Variants in ROBO2 observed in about 807,000 individuals in gnomAD.
ROBO2 encodes the protein roundabout guidance receptor 2, also known as roundabout homolog 2.
In ROBO2, 53 loss-of-function variants were observed where a neutral mutation model predicts 160.8. That is an observed-to-expected ratio of 0.33 (90% CI 0.26 to 0.41). The LOEUF is 0.41. ROBO2 is among the 10% of genes least tolerant of loss of function. The pLI, the probability that ROBO2 is intolerant of heterozygous loss-of-function variation, is 1.00. For synonymous variants in ROBO2, 664 were observed against 611.7 expected (o/e 1.09, Z -1.26); for missense variants, 1,577 against 1,722.4 (o/e 0.92, Z 1.49).
intron 2 of ROBO2, among the ~76,000 whole-genome samples, chr3:76,361,111 C>G (rs560870314): frequency 5.3e-5 from 8 of 151,896 alleles, no homozygotes; most frequent in Non-Finnish European, 1.0e-4. Flanking sequence ...TTTTCATAAG[C>G]GCTGCAAGTT....
chr3:77,065,410 T>C (rs1450879028), intron 1 of ROBO2, among the ~76,000 whole-genome samples: 1 of 152,190 alleles, frequency 6.6e-6, no homozygotes, highest in African/African-American at 2.4e-5. Flanking sequence ...GTGAAAAATA[T>C]CCTATTGTTT....
At chr3:76,949,412 A>G (rs887830242) in intron 2 of ROBO2, among the ~76,000 whole-genome samples, 2 of 152,188 alleles carry the variant, frequency 1.3e-5, no homozygotes, top group African/African-American at 4.8e-5. Context: ...CTGAAGCAGG[A>G]AAAGTAAATT....
At chr3:76,507,313 T>C (rs1262001953) in intron 2 of ROBO2, among the ~76,000 whole-genome samples, 1 of 152,018 alleles carries the variant, frequency 6.6e-6, no homozygotes, top group Non-Finnish European at 1.5e-5. Context: ...ATTTATGAAA[T>C]TTGATTAGGT....
intron 2 of ROBO2, among the ~76,000 whole-genome samples, chr3:76,187,683 A>G (rs1701828698): frequency 6.6e-6 from 1 of 152,118 alleles, no homozygotes; most frequent in Non-Finnish European, 1.5e-5. Flanking sequence ...ATTGATTTTA[A>G]TATTCCCCTC....
At chr3:77,435,401 C>A (rs1292088897) in intron 2 of ROBO2, among the ~76,000 whole-genome samples, 2 of 151,624 alleles carry the variant, frequency 1.3e-5, no homozygotes. Context: ...ACTTTTTAAG[C>A]CAAATAAGTA....
intron 2 of ROBO2, among the ~76,000 whole-genome samples, chr3:76,994,411 A>C (rs1004156939): frequency 6.6e-6 from 1 of 152,102 alleles, no homozygotes; most frequent in African/African-American, 2.4e-5. Flanking sequence ...GGAAAGTTGG[A>C]AACTGCTTTT....
intron 2 of ROBO2, among the ~76,000 whole-genome samples, chr3:77,139,791 GC>G (rs2076561008): frequency 6.6e-6 from 1 of 152,190 alleles, no homozygotes; most frequent in African/African-American, 2.4e-5. Context: ...AGCCGCAGTA[GC>G]AGCTGCCTCT....
chr3:76,756,776 A>T (rs530140374), intron 2 of ROBO2, among the ~76,000 whole-genome samples: 1 of 151,854 alleles, frequency 6.6e-6, no homozygotes, highest in Non-Finnish European at 1.5e-5. Flanking sequence ...ATTACGAGCA[A>T]ATCTGTCTAC....
At chr3:76,493,502 T>C (rs1560040346) in intron 2 of ROBO2, among the ~76,000 whole-genome samples, 1 of 151,838 alleles carries the variant, frequency 6.6e-6, no homozygotes, top group Non-Finnish European at 1.5e-5. Flanking sequence ...TTTGTCCATA[T>C]CCAATTTTTT....
Position 76,434,266 on chromosome 3 carries a change from A to C in ROBO2, c.109+496664A>C, listed in dbSNP as rs879231861. 7 of 1,002,076 alleles carry C rather than the reference A, an allele frequency of 7.0e-6. No homozygotes were observed. The East Asian group carries it at 1.4e-4, about 20-fold the overall frequency. 62.1% of individuals were successfully genotyped at this position (1,002,076 alleles called of 1,614,324 possible). On this transcript the variant is annotated intron_variant, in intron 2 of 26. Coordinates refer to the ROBO2 transcript ENST00000487694. ...TTGGAGCGAGCGCTGTTGGTTACAG[A>C]TTCTCAGTGTCAACAGCCAGCAGAT... is the stretch of plus-strand genomic sequence containing the variant.
intron 2 of ROBO2, among the ~76,000 whole-genome samples, chr3:76,184,628 G>GGC (rs1701660597): frequency 6.6e-6 from 1 of 152,046 alleles, no homozygotes; most frequent in Non-Finnish European, 1.5e-5. Context: ...TGGCTCATGA[G>GGC]TTCTGGAGGC....
At chr3:76,676,523 A>G (rs897918179) in intron 2 of ROBO2, among the ~76,000 whole-genome samples, 24 of 152,196 alleles carry the variant, frequency 1.6e-4, no homozygotes, top group African/African-American at 5.8e-4. Flanking sequence ...CAGGTAAGAT[A>G]GGATTGTGGG....
chr3:76,085,140 CAT>C (rs1553737480), intron 2 of ROBO2, among the ~76,000 whole-genome samples: 11 of 151,562 alleles, frequency 7.3e-5, no homozygotes, highest in Admixed American at 1.3e-4. Context: ...CACACACACA[CAT>C]ACGTATATAC....
intron 21 of ROBO2, among the ~76,000 whole-genome samples, chr3:77,615,070 G>A (rs1228937426): frequency 6.6e-6 from 1 of 152,020 alleles, no homozygotes; most frequent in Non-Finnish European, 1.5e-5. Context: ...ATGGCATCTT[G>A]CATCACTGAT....
chr3:77,417,181 A>G (rs564229975), intron 2 of ROBO2, among the ~76,000 whole-genome samples: 2 of 151,788 alleles, frequency 1.3e-5, no homozygotes, highest in South Asian at 4.1e-4. Flanking sequence ...TTACATCCCT[A>G]GCAAAATCAA....
At chr3:76,567,654 C>CATATATATATATATATATATAT (rs1259065851) in intron 2 of ROBO2, among the ~76,000 whole-genome samples, 9 of 41,620 alleles carry the variant, frequency 2.2e-4, no homozygotes, top group Non-Finnish European at 4.0e-4. Context: ...TATATATATA[C>CATATATATATATATATATATAT]ACATACACAT....
intron 2 of ROBO2, among the ~76,000 whole-genome samples, chr3:77,459,850 G>A (rs1388060820): frequency 6.6e-6 from 1 of 150,806 alleles, no homozygotes; most frequent in East Asian, 2.0e-4. Context: ...GAGCAGAAGG[G>A]GTAGATACTA....
chr3:76,139,482 T>C (rs2071551107), intron 2 of ROBO2, among the ~76,000 whole-genome samples: 1 of 152,078 alleles, frequency 6.6e-6, no homozygotes, highest in Non-Finnish European at 1.5e-5. Context: ...AGGACTGTTT[T>C]CCACATTTAA....
intron 2 of ROBO2, among the ~76,000 whole-genome samples, chr3:76,055,421 T>C (rs1035942728): frequency 1.3e-5 from 2 of 152,218 alleles, no homozygotes; most frequent in African/African-American, 4.8e-5. Flanking sequence ...GCAGGAAATG[T>C]ACTTCTAGTG....
Sources: allele counts gnomAD v4.1 joint callset (sites outside exome capture counted in the v4.1 genomes callset), GRCh38; gene constraint gnomAD v4.1.1; transcripts MANE v1.5; gene names NCBI Gene and HGNC (gene_info 2026-07-23, HGNC 2026-07-21).